PIGG: variants seen among roughly 807,000 people sequenced by gnomAD.
PIGG encodes GPI ethanolamine phosphate transferase 2, catalytic subunit.
A neutral mutation model predicts 83.2 loss-of-function variants in PIGG; 70 were observed. The ratio of observed to expected loss-of-function variants is 0.84; its 90% CI spans 0.69 to 1.03. The LOEUF is 1.03. Among genes scored for constraint, PIGG ranks in the 50% least tolerant of loss-of-function variants. PIGG has a pLI of 0.00. For synonymous variants in PIGG, 532 were observed against 519.5 expected (o/e 1.02, Z -0.33); for missense variants, 1,257 against 1,233.6 (o/e 1.02, Z -0.28).
rs947049525 is a variant in PIGG at position 525,349 on chromosome 4, C to G, written c.2069+1436C>G. On this transcript the variant is annotated intron_variant, in intron 9 of 12. Transcript: ENST00000453061. ...AATTTTAATTGTCTGGCAGTGAAGA[C>G]TTAGGAAACTAAAGCAAAAGAAGCA... The G allele has an allele frequency of 1.2e-5, 12 of 985,320 alleles. No individual in the cohort carries two copies. The African/African-American group carries it at 2.1e-4, about 17-fold the overall frequency. The allele number at this position is 985,320 out of a possible 1,614,324, so 61.0% of individuals were successfully genotyped here. A position where few individuals can be genotyped will look rare whatever the true frequency, so the allele number is the denominator to read the frequency against.
At chr4:505,950 T>C (rs1719524653) in intron 3 of PIGG, 23 bp downstream of exon 3, 3 of 1,460,636 alleles carry the variant, frequency 2.1e-6, no homozygotes, top group African/African-American at 1.4e-5. Context: ...AATAAGAAAA[T>C]ATATCATACT....
chr4:515,884 C>T lies in PIGG; in HGVS notation c.902-89C>T. ...GTGTGAAGAGACGGATCATTTGGCT[C>T]ATGTTAGTTGTAGAAGGTCTAATTC... On this transcript the variant is annotated intron_variant, in intron 5 of 12. Coordinates refer to ENST00000453061, the MANE Select transcript of PIGG (RefSeq NM_001127178.3). The surrounding 1 kb of genome is among the most constrained non-coding windows in gnomAD (Gnocchi z 4.2). 2 of 985,190 alleles carry T rather than the reference C, an allele frequency of 2.0e-6. No homozygotes were observed. Among genetic ancestry groups the T allele is most frequent in the Non-Finnish European group, 1.6e-6 (1 of 616,702 alleles). The allele number at this position is 985,190 out of a possible 1,614,324, so 61.0% of individuals were successfully genotyped here. A position where few individuals can be genotyped will look rare whatever the true frequency, so the allele number is the denominator to read the frequency against.
chr4:531,894 C>A (rs371815825), intron 11 of PIGG: 4 of 152,418 alleles, frequency 2.6e-5, no homozygotes, highest in African/African-American at 9.6e-5. Context: ...AGCCAGGTGG[C>A]CTCCGGCAGG....
At chr4:537,930 A>G (rs547377041) in intron 12 of PIGG, among the ~76,000 whole-genome samples, 1 of 152,254 alleles carries the variant, frequency 6.6e-6, no homozygotes, top group African/African-American at 2.4e-5. Context: ...CCCTCAAGTA[A>G]TACCTGGTGG....
chr4:528,834 T>G lies in PIGG; in HGVS notation c.2262-1602T>G, dbSNP rs1392835557. 2 of 560,656 alleles carry G rather than the reference T, an allele frequency of 3.6e-6. No individual in the cohort carries two copies. The highest frequency in any genetic ancestry group is 4.5e-6 in the Non-Finnish European group (2 of 441,866). The allele number at this position is 560,656 out of a possible 1,614,324, so 34.7% of individuals were successfully genotyped here. Reference sequence around the variant, plus strand: ...AGTGTCCAGAACTAGCCAGTGTGCCTTTTCTTTCCACACGCACTGCCTGGT... The same window carrying G: ...AGTGTCCAGAACTAGCCAGTGTGCCGTTTCTTTCCACACGCACTGCCTGGT... On this transcript the variant is annotated intron_variant, in intron 10 of 12. Coordinates refer to ENST00000453061, the MANE Select transcript of PIGG (RefSeq NM_001127178.3). The surrounding 1 kb of genome is among the most constrained non-coding windows in gnomAD (Gnocchi z 4.8).
At position 523,688 on chromosome 4, in the gene PIGG, A is replaced by G. The variant is rs1726721402; in HGVS notation, c.1844A>G (p.His615Arg). The G allele has an allele frequency of 6.2e-7, 1 of 1,614,256 alleles. No homozygotes were observed. The highest frequency in any genetic ancestry group is 8.5e-7 in the Non-Finnish European group (1 of 1,180,044). The change falls in exon 9 of 13, where the codon CAT becomes CGT. Residue 615 changes from histidine to arginine, a missense_variant. By Grantham distance (29) the His-to-Arg change is conservative. Transcript: ENST00000453061. ...TGTGGCCTCTGTGTGGAACAAGGGC[A>G]TGACGGGGCCACAGCAGCGTGGCAG... ...PPCGLCVEQGHDGATAAWQDG... is the reference protein window; with the variant it reads ...PPCGLCVEQGRDGATAAWQDG...
At chr4:510,645 C>A (rs1281382016) in intron 5 of PIGG, among the ~76,000 whole-genome samples, 1 of 152,218 alleles carries the variant, frequency 6.6e-6, no homozygotes, top group African/African-American at 2.4e-5. Flanking sequence ...CCGGACTCAT[C>A]ACCAGCTTCA....
intron 9 of PIGG, among the ~76,000 whole-genome samples, 170 bp downstream of exon 9, chr4:524,083 G>C (rs1402075255): frequency 6.6e-6 from 1 of 152,234 alleles, no homozygotes; most frequent in African/African-American, 2.4e-5. Context: ...CTGGATACTA[G>C]AATCAATGTT....
intron 9 of PIGG, among the ~76,000 whole-genome samples, chr4:526,640 C>T (rs954876676): frequency 6.6e-6 from 1 of 151,818 alleles, no homozygotes; most frequent in East Asian, 1.9e-4. Context: ...TATTTGTCAC[C>T]GCCTGGCCTC....
intron 3 of PIGG, among the ~76,000 whole-genome samples, chr4:507,188 C>T (rs542144259): frequency 1.1e-3 from 162 of 152,358 alleles, no homozygotes; most frequent in African/African-American, 3.7e-3. Flanking sequence ...AGTCTTCCCG[C>T]TTCAGCCTCC....
intron 2 of PIGG, among the ~76,000 whole-genome samples, chr4:502,735 T>G (rs543006355): frequency 5.3e-5 from 8 of 152,114 alleles, no homozygotes; most frequent in Non-Finnish European, 1.2e-4. Flanking sequence ...CCTACCCTCT[T>G]TAAAAATATC....
intron 6 of PIGG, among the ~76,000 whole-genome samples, chr4:520,327 C>A (rs886378767): frequency 3.3e-5 from 5 of 152,204 alleles, no homozygotes; most frequent in Non-Finnish European, 7.3e-5. Context: ...ACGCATCAGC[C>A]AGCTCGGGAA....
chr4:499,676 C>A, intron 1 of PIGG, 187 bp downstream of exon 1: 2 of 1,410,870 alleles, frequency 1.4e-6, no homozygotes, highest in Non-Finnish European at 1.8e-6. Flanking sequence ...AACTTTGTGG[C>A]AACCACCTCT....
At chr4:526,983 G>A in intron 9 of PIGG, 56 bp from the exon 10 acceptor site, 5 of 1,604,940 alleles carry the variant, frequency 3.1e-6, no homozygotes. Context: ...ACTTGGTGTA[G>A]ATTGATCTTG....
chr4:516,922 G>A (rs551213100), intron 6 of PIGG, among the ~76,000 whole-genome samples: 1 of 151,988 alleles, frequency 6.6e-6, no homozygotes, highest in Non-Finnish European at 1.5e-5. Context: ...GCGGGTGGGG[G>A]AGCCACTGGG....
intron 2 of PIGG, among the ~76,000 whole-genome samples, chr4:502,781 T>C (rs1190006082): frequency 1.3e-5 from 2 of 150,284 alleles, no homozygotes; most frequent in Non-Finnish European, 1.5e-5. Context: ...ATGAGGGAGG[T>C]GCCTTGTAAA....
chr4:518,002 C>T (rs1434101526), intron 6 of PIGG, among the ~76,000 whole-genome samples: 6 of 152,140 alleles, frequency 3.9e-5, no homozygotes, highest in Admixed American at 1.3e-4. Flanking sequence ...ATAGAGTGAA[C>T]GTCCACAAGC....
chr4:529,032 C>T (rs879761114), intron 10 of PIGG, among the ~76,000 whole-genome samples: 1 of 152,152 alleles, frequency 6.6e-6, no homozygotes, highest in Non-Finnish European at 1.5e-5. Context: ...GCACTCAGTT[C>T]CTGACTGTCC....
intron 5 of PIGG, 91 bp downstream of exon 5, chr4:509,061 C>A: frequency 8.9e-7 from 1 of 1,127,630 alleles, no homozygotes; most frequent in Non-Finnish European, 1.3e-6. Flanking sequence ...TTTTTAGAAG[C>A]TCCATAAGGT....
Sources: gnomAD v4.1 joint callset for allele counts (sites outside exome capture counted in the v4.1 genomes callset) on GRCh38, gnomAD v4.1.1 for gene constraint, Gnocchi (gnomAD v3.1) non-coding constraint, MANE v1.5 for transcripts, NCBI Gene and HGNC (gene_info 2026-07-23, HGNC 2026-07-21) for gene names.